Variants in IL1RAPL1 observed in about 807,000 individuals in gnomAD.
IL1RAPL1 encodes interleukin-1 receptor accessory protein-like 1.
In IL1RAPL1, 3 loss-of-function variants were observed where a neutral mutation model predicts 48.4. The ratio of observed to expected loss-of-function variants is 0.06; its 90% CI spans 0.03 to 0.16. IL1RAPL1 has a LOEUF of 0.16. Ranked by LOEUF, IL1RAPL1 falls within the 10% of genes least tolerant of loss-of-function variation. IL1RAPL1 has a pLI of 1.00. For synonymous variants in IL1RAPL1, 185 were observed against 187.7 expected (o/e 0.99, Z 0.12); for missense variants, 349 against 530.6 (o/e 0.66, Z 3.36).
At chrX:29,787,853 G>GT (rs1432596527) in intron 6 of IL1RAPL1, among the ~76,000 whole-genome samples, 1 of 111,942 alleles carries the variant, frequency 8.9e-6, no homozygotes, top group African/African-American at 3.2e-5. Context: ...AACATAAACA[G>GT]TATCCTTATG....
chrX:29,487,618 A>T (rs1935110860), intron 5 of IL1RAPL1, among the ~76,000 whole-genome samples: 1 of 112,486 alleles, frequency 8.9e-6, no homozygotes, highest in African/African-American at 3.2e-5. Flanking sequence ...ATTGGTTACC[A>T]CTATAACCAC....
intron 2 of IL1RAPL1, among the ~76,000 whole-genome samples, chrX:28,877,240 A>G (rs1922398383): frequency 8.9e-6 from 1 of 112,650 alleles, no homozygotes; most frequent in African/African-American, 3.2e-5. Context: ...TATGTAAAAG[A>G]AAGTTATTAT....
chrX:29,613,995 C>T (rs945033311), intron 5 of IL1RAPL1, among the ~76,000 whole-genome samples: 2 of 109,411 alleles, frequency 1.8e-5, no homozygotes, highest in African/African-American at 3.3e-5. Flanking sequence ...GATCTCCTGA[C>T]CTCGTGATCT....
chrX:29,529,250 A>C (rs1475277292), intron 5 of IL1RAPL1, among the ~76,000 whole-genome samples: 1 of 111,653 alleles, frequency 9.0e-6, no homozygotes. Context: ...AGATATTGTT[A>C]TAAAGAATAT....
At chrX:29,134,040 A>T (rs1262619479) in intron 2 of IL1RAPL1, among the ~76,000 whole-genome samples, 1 of 112,052 alleles carries the variant, frequency 8.9e-6, no homozygotes, top group Non-Finnish European at 1.9e-5. Flanking sequence ...TTTGCTACTG[A>T]ATAATATTCC....
intron 2 of IL1RAPL1, among the ~76,000 whole-genome samples, chrX:28,883,076 T>G (rs3861345): frequency 0.35 from 38,848 of 109,929 alleles, 5,111 homozygotes; most frequent in African/African-American, 0.44. Flanking sequence ...TCCTATAACT[T>G]TATTTAATCC....
chrX:29,748,951 A>G (rs1928396802), intron 6 of IL1RAPL1, among the ~76,000 whole-genome samples: 1 of 112,900 alleles, frequency 8.9e-6, no homozygotes, highest in Non-Finnish European at 1.9e-5. Flanking sequence ...TTAAAATCTA[A>G]AATATGAAGA....
At chrX:29,837,529 G>A (rs1486886442) in intron 6 of IL1RAPL1, among the ~76,000 whole-genome samples, 1 of 110,304 alleles carries the variant, frequency 9.1e-6, no homozygotes, top group Non-Finnish European at 1.9e-5. Flanking sequence ...AGGAAAGTAA[G>A]AAGACATTAG....
At chrX:28,646,913 GT>G (rs974015611) in intron 1 of IL1RAPL1, among the ~76,000 whole-genome samples, 6 of 111,798 alleles carry the variant, frequency 5.4e-5, no homozygotes. Flanking sequence ...CTCACTTCTT[GT>G]TTCCCTTAGT....
intron 1 of IL1RAPL1, among the ~76,000 whole-genome samples, chrX:28,668,574 C>T (rs1274197414): frequency 8.8e-6 from 1 of 113,392 alleles, no homozygotes; most frequent in Non-Finnish European, 1.9e-5. Context: ...TGTTTTCTTA[C>T]TTAGTTTTGT....
chrX:29,385,614 T>G (rs1223185981), intron 3 of IL1RAPL1, among the ~76,000 whole-genome samples: 1 of 112,832 alleles, frequency 8.9e-6, no homozygotes, highest in Non-Finnish European at 1.9e-5. Flanking sequence ...TTTATCCTTT[T>G]GTGACTGACT....
intron 2 of IL1RAPL1, among the ~76,000 whole-genome samples, chrX:28,847,096 C>A (rs1167889603): frequency 4.5e-5 from 5 of 111,601 alleles, no homozygotes; most frequent in African/African-American, 6.5e-5. Context: ...TACTTTTTCT[C>A]CCACACCTGA....
At chrX:28,784,267 T>C (rs1210775997) in intron 1 of IL1RAPL1, among the ~76,000 whole-genome samples, 2 of 112,134 alleles carry the variant, frequency 1.8e-5, no homozygotes, top group Non-Finnish European at 3.8e-5. Context: ...CAGGCACAAA[T>C]GGATACTTCA....
intron 9 of IL1RAPL1, among the ~76,000 whole-genome samples, chrX:29,954,235 C>CAGAAAAAAAA (rs1933371741): frequency 3.3e-5 from 1 of 30,422 alleles, no homozygotes; most frequent in African/African-American, 1.5e-4. Context: ...GACTGTGTCC[C>CAGAAAAAAAA]AAAAAAAAAA....
chrX:28,690,129 A>T (rs757470397), intron 1 of IL1RAPL1, among the ~76,000 whole-genome samples: 1 of 111,181 alleles, frequency 9.0e-6, no homozygotes. Context: ...GTAGTGGATA[A>T]ATTAGATTAT....
intron 5 of IL1RAPL1, among the ~76,000 whole-genome samples, chrX:29,569,994 C>T (rs939294511): frequency 1.8e-5 from 2 of 111,709 alleles, no homozygotes; most frequent in Admixed American, 1.9e-4. Flanking sequence ...AAGTATGATC[C>T]ATCATATGGA....
chrX:29,746,655 T>C (rs1403041919), intron 6 of IL1RAPL1, among the ~76,000 whole-genome samples: 1 of 111,652 alleles, frequency 9.0e-6, no homozygotes, highest in African/African-American at 3.3e-5. Flanking sequence ...TCACCCAGAC[T>C]GGAGTGCAGT....
chrX:28,734,863 A>G (rs1021757439), intron 1 of IL1RAPL1, among the ~76,000 whole-genome samples: 1 of 111,823 alleles, frequency 8.9e-6, no homozygotes, highest in South Asian at 3.8e-4. Context: ...CCTCTCCCCT[A>G]CAAATATTAT....
rs1350396693 is a variant in IL1RAPL1 at position 29,632,183 on chromosome X, C to T, written c.704-36247C>T. Among the ~76,000 whole-genome samples, 4 of 108,037 alleles carry T rather than the reference C, an allele frequency of 3.7e-5. No homozygotes were observed. In the East Asian group the frequency reaches 1.2e-3, roughly 31 times the overall value. The allele number at this position is 108,037 out of a possible 115,157, so 93.8% of individuals were successfully genotyped here. A position where few individuals can be genotyped will look rare whatever the true frequency, so the allele number is the denominator to read the frequency against. ...TTTTTTTTTGAGACAGAGTCTCACT[C>T]TGTTGCCCAGGCTGGAGTGCAGTGG... On this transcript the variant is annotated intron_variant, in intron 5 of 10. Transcript: ENST00000378993.
Sources: allele counts gnomAD v4.1 joint callset (sites outside exome capture counted in the v4.1 genomes callset), GRCh38; gene constraint gnomAD v4.1.1; transcripts MANE v1.5; gene names NCBI Gene and HGNC (gene_info 2026-07-23, HGNC 2026-07-21).